Variants in DDX46 observed in about 807,000 individuals in gnomAD.
DDX46 encodes the protein DEAD-box helicase 46.
Under a neutral mutation model 134.9 loss-of-function variants are expected in DDX46, and 30 were observed. The ratio of observed to expected loss-of-function variants is 0.22; its 90% CI spans 0.17 to 0.30. The LOEUF (loss-of-function observed/expected upper bound fraction) is 0.30. DDX46 is among the 10% of genes least tolerant of loss of function. The pLI is 1.00. For missense variants in DDX46, 622 were observed against 1,248.7 expected (o/e 0.50, Z 7.56); for synonymous variants, 415 against 404.1 (o/e 1.03, Z -0.32).
At chr5:134,765,202 G>T (rs1472245101) in intron 2 of DDX46, among the ~76,000 whole-genome samples, 1 of 151,100 alleles carries the variant, frequency 6.6e-6, no homozygotes, top group Non-Finnish European at 1.5e-5. Context: ...TTGAGTAACT[G>T]GGATTACAGG....
At chr5:134,820,733 C>T (rs896862450) in intron 21 of DDX46, among the ~76,000 whole-genome samples, 8 of 152,188 alleles carry the variant, frequency 5.3e-5, no homozygotes, top group African/African-American at 1.9e-4. Flanking sequence ...GTCCTCAGTA[C>T]CTTCGTGAAA....
At chr5:134,828,096 G>A (rs1755638218) in intron 22 of DDX46, among the ~76,000 whole-genome samples, 2 of 152,160 alleles carry the variant, frequency 1.3e-5, no homozygotes, top group Non-Finnish European at 2.9e-5. Flanking sequence ...CTTTCCCGAG[G>A]AGGTAGACAT....
At chr5:134,791,466 C>T (rs1474137040) in intron 13 of DDX46, among the ~76,000 whole-genome samples, 1 of 151,666 alleles carries the variant, frequency 6.6e-6, no homozygotes, top group Non-Finnish European at 1.5e-5. Flanking sequence ...GAGGCTGAGG[C>T]AGGAGAATGG....
chr5:134,802,074 T>A, intron 15 of DDX46, among the ~76,000 whole-genome samples: 1 of 152,142 alleles, frequency 6.6e-6, no homozygotes, highest in East Asian at 1.9e-4. Context: ...TATGTTTGAC[T>A]TTTTGATATT....
intron 13 of DDX46, among the ~76,000 whole-genome samples, chr5:134,793,643 G>A (rs1384820279): frequency 6.6e-6 from 1 of 152,106 alleles, no homozygotes; most frequent in East Asian, 1.9e-4. Flanking sequence ...GAGCTCAAGT[G>A]ATCCGCCTGC....
In DDX46 at chr5:134,827,008, G is replaced by A. The variant is rs1161520478; in HGVS notation, c.3039G>A (p.Glu1013=). ...KAEITRLIKE[E]LIRLQNSYQP... ...AAATCACCAGGCTCATAAAAGAAGAGCTGATCCGGCTGGTGAGTGAAAACC... is the reference window on the plus strand; with the variant it reads ...AAATCACCAGGCTCATAAAAGAAGAACTGATCCGGCTGGTGAGTGAAAACC... The change falls in exon 22 of 23, where the codon GAG becomes GAA. Residue 1013 remains glutamate, a synonymous_variant. Transcript: ENST00000452510. 1 of 1,612,542 alleles carries A rather than the reference G, an allele frequency of 6.2e-7. No homozygotes were observed. The highest frequency in any genetic ancestry group is 1.3e-5 in the African/African-American group (1 of 74,906).
At chr5:134,789,856 T>C (rs1464499130) in intron 12 of DDX46, among the ~76,000 whole-genome samples, 1 of 152,214 alleles carries the variant, frequency 6.6e-6, no homozygotes, top group African/African-American at 2.4e-5. Flanking sequence ...AATTGGGATT[T>C]ATATCTTTGT....
At chr5:134,780,138 G>GTGTGTGTGTGTGTGTGTGTA (rs1158560431) in intron 6 of DDX46, among the ~76,000 whole-genome samples, 1 of 142,324 alleles carries the variant, frequency 7.0e-6, no homozygotes, top group Admixed American at 7.2e-5. Flanking sequence ...GTGTGTGTGT[G>GTGTGTGTGTGTGTGTGTGTA]TATATGTATA....
intron 15 of DDX46, among the ~76,000 whole-genome samples, chr5:134,799,385 A>T (rs953911935): frequency 2.0e-5 from 3 of 151,296 alleles, no homozygotes; most frequent in Non-Finnish European, 4.4e-5. Flanking sequence ...GGGCTCAAGC[A>T]ATCATCCCTC....
intron 3 of DDX46, among the ~76,000 whole-genome samples, chr5:134,768,271 A>G (rs1462671922): frequency 6.6e-6 from 1 of 151,700 alleles, no homozygotes; most frequent in African/African-American, 2.4e-5. Flanking sequence ...CAACATGCCC[A>G]GCTAATTTTT....
rs1753846943 is a variant in DDX46 at position 134,773,767 on chromosome 5, G to A, written c.519G>A (p.Glu173=). Residue 173 remains glutamate, a synonymous_variant, in exon 5 of 23, where the codon GAG becomes GAA. Coordinates refer to ENST00000452510, the MANE Select transcript of DDX46 (RefSeq NM_001300860.2). ...RKERVEKWRE[E]QRKKAMENIG... ...AAAGAGTAGAAAAATGGCGAGAAGA[G>A]CAACGTAAAAAGGCTATGGAAAACA... The A allele has an allele frequency of 6.2e-7, 1 of 1,613,254 alleles. No homozygotes were observed. Among genetic ancestry groups the A allele is most frequent in the Non-Finnish European group, 8.5e-7 (1 of 1,179,618 alleles).
chr5:134,759,909 A>C (rs1753325251), intron 1 of DDX46, among the ~76,000 whole-genome samples: 1 of 152,224 alleles, frequency 6.6e-6, no homozygotes, highest in Non-Finnish European at 1.5e-5. Flanking sequence ...GAAATCTGAA[A>C]GTGATATTTA....
At chr5:134,815,704 C>T (rs1414651179) in intron 18 of DDX46, among the ~76,000 whole-genome samples, 16 of 57,100 alleles carry the variant, frequency 2.8e-4, no homozygotes. Context: ...GAGACTCTGT[C>T]TCAAAAAAAA....
At chr5:134,796,319 G>A (rs1300022662) in intron 15 of DDX46, among the ~76,000 whole-genome samples, 169 bp downstream of exon 15, 1 of 152,148 alleles carries the variant, frequency 6.6e-6, no homozygotes, top group African/African-American at 2.4e-5. Context: ...TCTCATCTAA[G>A]AGAAAGAAGA....
Position 134,767,042 on chromosome 5 carries a change from G to A in DDX46, c.332G>A (p.Ser111Asn), listed in dbSNP as rs151136989. The A allele has an allele frequency of 1.3e-4, 213 of 1,613,358 alleles. No homozygotes were observed. Among genetic ancestry groups the A allele is most frequent in the Non-Finnish European group, 1.7e-4 (196 of 1,179,826 alleles). ...RSRSSSPGNK[S>N]KKTENRSRSK... Reference sequence around the variant, plus strand: ...CGATCCTCCAGTCCTGGAAATAAAAGCAAGAAAACTGAGAATAGGTAATGT... The same window carrying A: ...CGATCCTCCAGTCCTGGAAATAAAAACAAGAAAACTGAGAATAGGTAATGT... Residue 111 changes from serine to asparagine, a missense_variant, in exon 3 of 23, where the codon AGC (serine) becomes AAC (asparagine). Physicochemically the swap from Ser to Asn is conservative, Grantham distance 46. This residue lies in a region of DDX46 where 244 missense variants were observed against 349.3 expected (regional missense o/e 0.70). Coordinates refer to ENST00000452510, the MANE Select transcript of DDX46 (RefSeq NM_001300860.2).
chr5:134,809,976 G>GCA (rs1473285162), intron 16 of DDX46, among the ~76,000 whole-genome samples: 1 of 152,166 alleles, frequency 6.6e-6, no homozygotes, highest in East Asian at 1.9e-4. Context: ...TTGTGCCATT[G>GCA]CACTCCAGCC....
chr5:134,779,316 C>G (rs1277817068), intron 6 of DDX46, among the ~76,000 whole-genome samples: 3 of 152,020 alleles, frequency 2.0e-5, no homozygotes, highest in African/African-American at 7.2e-5. Context: ...ACCTCAGCCT[C>G]CCGAGTAGCT....
At chr5:134,760,622 C>T (rs567450086) in intron 1 of DDX46, among the ~76,000 whole-genome samples, 1 of 152,250 alleles carries the variant, frequency 6.6e-6, no homozygotes, top group East Asian at 1.9e-4. Flanking sequence ...TTAAGAATCT[C>T]CTAGGTAGAT....
chr5:134,820,263 G>GGTTTTT (rs200485335), intron 21 of DDX46, among the ~76,000 whole-genome samples: 2,785 of 152,272 alleles, frequency 0.018, 44 homozygotes, highest in Non-Finnish European at 0.029. Context: ...TATTTTAAGT[G>GGTTTTT]GTTTTTGTTT....
Sources: gnomAD v4.1 joint callset for allele counts (sites outside exome capture counted in the v4.1 genomes callset) on GRCh38, gnomAD v4.1.1 for gene constraint, gnomAD v4.1.1 regional missense constraint, MANE v1.5 for transcripts, NCBI Gene and HGNC (gene_info 2026-07-23, HGNC 2026-07-21) for gene names.